ITGB1BP1: variants seen among roughly 807,000 people sequenced by gnomAD.
ITGB1BP1 encodes integrin subunit beta 1 binding protein 1, also known as integrin beta-1-binding protein 1.
ITGB1BP1 carries 20 observed loss-of-function variants against 28.0 expected under a neutral mutation model. That is an observed-to-expected ratio of 0.71 (90% CI 0.50 to 1.04). The LOEUF (loss-of-function observed/expected upper bound fraction) is 1.04, where lower values mean the gene tolerates loss of function less well. Ranked by LOEUF, ITGB1BP1 falls within the 50% of genes least tolerant of loss-of-function variation. The pLI is 0.00. For synonymous variants in ITGB1BP1, 103 were observed against 89.5 expected, an observed-to-expected ratio of 1.15 and a Z score of -0.85; for missense variants, 228 against 242.5, an observed-to-expected ratio of 0.94 and a Z score of 0.40.
Position 9,405,778 on chromosome 2 carries a change from C to CTT in ITGB1BP1, c.*1054_*1055dup, listed in dbSNP as rs1677192519. On this transcript the variant is annotated 3_prime_UTR_variant, in exon 7 of 7. Transcript: ENST00000355346. ...ATACTGTACATGGGATCTTTACATA[C>CTT]TTTTAGCATGAGCGGTAATCTTTTA... 2 of 152,292 alleles carry CTT rather than the reference C, an allele frequency of 1.3e-5. No homozygotes were observed. The highest frequency in any genetic ancestry group is 6.5e-5 in the Admixed American group (1 of 15,302). The allele number at this position is 152,292 out of a possible 1,614,324, so 9.4% of individuals were successfully genotyped here.
chr2:9,407,427 A>G (rs758212972), intron 6 of ITGB1BP1, 22 bp downstream of exon 6: 2 of 1,613,988 alleles, frequency 1.2e-6, no homozygotes, highest in Non-Finnish European at 1.7e-6. Context: ...GCAAGCAGCT[A>G]ACCAAAGTAA....
intron 1 of ITGB1BP1, chr2:9,422,661 C>T: frequency 1.0e-6 from 1 of 985,588 alleles, no homozygotes; most frequent in Non-Finnish European, 1.2e-6. Flanking sequence ...GCCAGGGCGC[C>T]TGGCAGGGGA....
intron 4 of ITGB1BP1, 44 bp from the exon 5 acceptor site, chr2:9,408,249 T>TTA: frequency 8.4e-7 from 1 of 1,195,312 alleles, no homozygotes; most frequent in Non-Finnish European, 1.2e-6. Flanking sequence ...TAAAATTACA[T>TTA]AATAGTCTTA....
chr2:9,420,014 G>A (rs962590595), intron 1 of ITGB1BP1: 19 of 966,424 alleles, frequency 2.0e-5, no homozygotes, highest in Middle Eastern at 5.3e-4. Context: ...CTATTTGACT[G>A]TCTTCAAAGG....
chr2:9,408,093 TAATA>T lies in ITGB1BP1; in HGVS notation c.381+16_381+19del, dbSNP rs1256761527. 1.5e-6 allele frequency: 2 copies of T among 1,290,586 alleles called. No homozygotes were observed. The highest frequency in any genetic ancestry group is 2.3e-5 in the East Asian group (1 of 43,230). 79.9% of individuals were successfully genotyped at this position (1,290,586 alleles called of 1,614,324 possible). A position where few individuals can be genotyped will look rare whatever the true frequency, so the allele number is the denominator to read the frequency against. On this transcript the variant is annotated intron_variant, in intron 5 of 6. Transcript: ENST00000355346. ...CCTGTTATCTAAAACATAGTTTTCT[TAATA>T]AATTATATTACTTACATATTGATCT...
intron 4 of ITGB1BP1, among the ~76,000 whole-genome samples, chr2:9,410,097 G>A (rs1678152536): frequency 1.3e-5 from 2 of 151,970 alleles, no homozygotes; most frequent in Admixed American, 6.6e-5. Flanking sequence ...CACCCACCTC[G>A]GCCTCCCAAA....
At chr2:9,414,142 A>G in intron 3 of ITGB1BP1, 36 bp downstream of exon 3, 1 of 1,549,548 alleles carries the variant, frequency 6.5e-7, no homozygotes, top group Non-Finnish European at 8.9e-7. Context: ...ATCAATGAAA[A>G]GCGCAGACAA....
chr2:9,406,720 T>G lies in ITGB1BP1; in HGVS notation c.*114A>C. On this transcript the variant is annotated 3_prime_UTR_variant, in exon 7 of 7. Transcript: ENST00000355346. Reference sequence around the variant, plus strand: ...GATCAGCATTTTACACAATCCATTTTCTTCAGAAAATCTAGAGCAAGGGAT... The same window carrying G: ...GATCAGCATTTTACACAATCCATTTGCTTCAGAAAATCTAGAGCAAGGGAT... 1.3e-6 allele frequency: 1 copy of G among 763,284 alleles called. No homozygotes were observed. The highest frequency in any genetic ancestry group is 1.5e-5 in the South Asian group (1 of 65,602). The allele number at this position is 763,284 out of a possible 1,614,324, so 47.3% of individuals were successfully genotyped here. A position where few individuals can be genotyped will look rare whatever the true frequency, so the allele number is the denominator to read the frequency against.
Position 9,406,068 on chromosome 2 carries a change from T to TCAGG in ITGB1BP1, c.*762_*765dup, listed in dbSNP as rs1385626676. On this transcript the variant is annotated 3_prime_UTR_variant, in exon 7 of 7. Coordinates refer to ENST00000355346, the MANE Select transcript of ITGB1BP1 (RefSeq NM_004763.5). ...GGACCTCTGTGACATCTCGTCTTCC[T>TCAGG]CAGGCCTTCAGTGTGTGTTTGTCAC... 29 of 123,278 alleles carry TCAGG rather than the reference T, an allele frequency of 2.4e-4. No individual in the cohort carries two copies. The highest frequency in any genetic ancestry group is 8.9e-4 in the African/African-American group (29 of 32,498). 7.6% of individuals were successfully genotyped at this position (123,278 alleles called of 1,614,324 possible).
chr2:9,423,336 A>G, intron 1 of ITGB1BP1, 37 bp downstream of exon 1: 1 of 1,215,354 alleles, frequency 8.2e-7, no homozygotes, highest in Non-Finnish European at 1.0e-6. Flanking sequence ...GGCCTCCGCG[A>G]GCTCGGCCCC....
In ITGB1BP1 at chr2:9,408,119, A is replaced by G. The variant is rs1677792382; in HGVS notation, c.375T>C (p.Asp125=). The change falls in exon 5 of 7, where the codon GAT becomes GAC. Residue 125 remains aspartate (D), a synonymous_variant. Coordinates refer to ENST00000355346, the MANE Select transcript of ITGB1BP1 (RefSeq NM_004763.5). ...AATAAATTATATTACTTACATATTGATCTGATGTTGATACTTTTATGCCAT... is the reference window on the plus strand; with the variant it reads ...AATAAATTATATTACTTACATATTGGTCTGATGTTGATACTTTTATGCCAT... ...SKYGIKVSTS[D]QYDVLHRHAL... is the part of the protein sequence containing the mutation. 4 of 1,494,720 alleles carry G rather than the reference A, an allele frequency of 2.7e-6. No homozygotes were observed. In the East Asian group the frequency reaches 9.0e-5, roughly 34 times the overall value. The allele number at this position is 1,494,720 out of a possible 1,614,324, so 92.6% of individuals were successfully genotyped here.
chr2:9,422,918 G>A (rs1475249832), intron 1 of ITGB1BP1: 18 of 986,096 alleles, frequency 1.8e-5, no homozygotes, highest in Non-Finnish European at 2.0e-5. Flanking sequence ...TCGGGGCCTA[G>A]GGAGAGCCGG....
chr2:9,417,477 T>C (rs1448541725), intron 2 of ITGB1BP1, among the ~76,000 whole-genome samples: 1 of 152,068 alleles, frequency 6.6e-6, no homozygotes, highest in Non-Finnish European at 1.5e-5. Flanking sequence ...TGGAGTCCAG[T>C]GGTGTGATCT....
chr2:9,407,447 A>C lies in ITGB1BP1; in HGVS notation c.531+2T>G. On this transcript the variant is annotated splice_donor_variant, in intron 6 of 6. Transcript: ENST00000355346. LOFTEE classifies it high-confidence loss of function. Reference sequence around the variant, plus strand: ...CAGCTAACCAAAGTAACGAAGTCTCACCAGGCTGTTGCACTGATAAACCCA... The same window carrying C: ...CAGCTAACCAAAGTAACGAAGTCTCCCCAGGCTGTTGCACTGATAAACCCA... 2 of 1,614,196 alleles carry C rather than the reference A, an allele frequency of 1.2e-6. No individual in the cohort carries two copies. Among genetic ancestry groups the C allele is most frequent in the Non-Finnish European group, 1.7e-6 (2 of 1,180,034 alleles).
intron 4 of ITGB1BP1, among the ~76,000 whole-genome samples, chr2:9,411,308 A>T (rs1315494290): frequency 2.6e-5 from 4 of 152,246 alleles, no homozygotes; most frequent in Non-Finnish European, 5.9e-5. Context: ...TGAGAGACAG[A>T]ACTGGTCTGA....
chr2:9,406,970 T>C, intron 6 of ITGB1BP1, 65 bp from the exon 7 acceptor site: 2 of 1,241,642 alleles, frequency 1.6e-6, no homozygotes, highest in South Asian at 1.2e-5. Flanking sequence ...TTAATTTGGC[T>C]AGCAGAGGCA....
intron 1 of ITGB1BP1, among the ~76,000 whole-genome samples, chr2:9,421,445 T>C (rs1313287899): frequency 1.3e-5 from 2 of 152,162 alleles, no homozygotes; most frequent in Non-Finnish European, 2.9e-5. Context: ...CCCAGCACTT[T>C]GGGAGGCCAA....
intron 2 of ITGB1BP1, among the ~76,000 whole-genome samples, chr2:9,416,171 T>C (rs115449485): frequency 2.0e-3 from 300 of 152,304 alleles, no homozygotes; most frequent in African/African-American, 6.9e-3. Flanking sequence ...GCCTGGGATG[T>C]CTAACCCCCT....
intron 4 of ITGB1BP1, chr2:9,408,503 C>G (rs1319569035): frequency 3.9e-6 from 1 of 255,118 alleles, no homozygotes; most frequent in African/African-American, 2.3e-5. Flanking sequence ...GCACATCCGG[C>G]TAATTTTCGT....
Sources: allele counts gnomAD v4.1 joint callset (sites outside exome capture counted in the v4.1 genomes callset), GRCh38; gene constraint gnomAD v4.1.1; transcripts MANE v1.5; gene names NCBI Gene and HGNC (gene_info 2026-07-23, HGNC 2026-07-21).